Variants in WDR7 observed in about 807,000 individuals in gnomAD.
WDR7 encodes WD repeat-containing protein 7.
In WDR7, 46 loss-of-function variants were observed where a neutral mutation model predicts 169.4. That is an observed-to-expected ratio of 0.27 (90% CI 0.21 to 0.35). The LOEUF is 0.35. WDR7 is among the 10% of genes least tolerant of loss of function. The pLI, the probability that WDR7 is intolerant of heterozygous loss-of-function variation, is 1.00. For synonymous variants in WDR7, 612 were observed against 666.8 expected (o/e 0.92, Z 1.27); for missense variants, 1,534 against 1,859.3 (o/e 0.83, Z 3.22).
At chr18:56,934,473 G>A (rs1394284627) in intron 22 of WDR7, among the ~76,000 whole-genome samples, 1 of 151,754 alleles carries the variant, frequency 6.6e-6, no homozygotes, top group Non-Finnish European at 1.5e-5. Flanking sequence ...TGTTCTCTCA[G>A]CTCACATCTT....
chr18:56,660,658 TAAAAA>T (rs55736389), intron 1 of WDR7, among the ~76,000 whole-genome samples: 6 of 145,594 alleles, frequency 4.1e-5, no homozygotes, highest in Admixed American at 6.8e-5. Flanking sequence ...ATTTAAAGGT[TAAAAA>T]AAAAAAAAAA....
intron 16 of WDR7, among the ~76,000 whole-genome samples, chr18:56,770,104 C>A (rs541146516): frequency 6.6e-6 from 1 of 152,120 alleles, no homozygotes; most frequent in Non-Finnish European, 1.5e-5. Flanking sequence ...CTTTATGTTT[C>A]TGGAGTCAGT....
At chr18:56,836,412 G>C (rs1472944656) in intron 20 of WDR7, among the ~76,000 whole-genome samples, 1 of 152,218 alleles carries the variant, frequency 6.6e-6, no homozygotes, top group Non-Finnish European at 1.5e-5. Context: ...TTTTAGGGCG[G>C]ATCCTGTCAG....
chr18:56,756,322 T>C (rs2043887228), intron 14 of WDR7, among the ~76,000 whole-genome samples: 1 of 152,214 alleles, frequency 6.6e-6, no homozygotes, highest in Admixed American at 6.5e-5. Flanking sequence ...CCTGCTTCAA[T>C]AATAAACTAT....
At chr18:57,007,230 T>C (rs183107128) in intron 26 of WDR7, among the ~76,000 whole-genome samples, 170 of 152,274 alleles carry the variant, frequency 1.1e-3, no homozygotes, top group East Asian at 0.01. Context: ...CCACCCGCCT[T>C]GGCCTCCCAA....
rs569250401 is a variant in WDR7, at chr18:56,765,634, T to G, written c.2848+6681T>G. Reference sequence around the variant, plus strand: ...TGATTTGTGTTTAACAGTAATTATATTTTAAAGAGACTGAAATAAGAAAAA... The same window carrying G: ...TGATTTGTGTTTAACAGTAATTATAGTTTAAAGAGACTGAAATAAGAAAAA... On this transcript the variant is annotated intron_variant, in intron 16 of 27. Transcript: ENST00000254442. 2.6e-5 allele frequency among the ~76,000 whole-genome samples: 4 copies of G among 152,328 alleles called. No individual in the cohort carries two copies. The South Asian group carries it at 8.3e-4, about 32-fold the overall frequency.
At chr18:56,873,813 T>C (rs372331006) in intron 20 of WDR7, 7 of 152,342 alleles carry the variant, frequency 4.6e-5, no homozygotes, top group African/African-American at 1.7e-4. Flanking sequence ...TTTGTGCCAA[T>C]TCATCTTGAT....
In WDR7 at chr18:57,018,292, T is replaced by C. The variant is rs542015770; in HGVS notation, c.4165-2453T>C. ...GGGCCAGTTTTTCTTAGAAGAACTT[T>C]TAATCTACTCACAGTTTTAGATGGA... is the stretch of plus-strand genomic sequence containing the variant. On this transcript the variant is annotated intron_variant, in intron 26 of 27. Transcript: ENST00000254442. Among the ~76,000 whole-genome samples the C allele has an allele frequency of 8.9e-4, 136 of 152,356 alleles. No individual in the cohort carries two copies. The South Asian group carries it at 0.024, about 27-fold the overall frequency.
At chr18:56,881,324 C>T (rs1343380305) in intron 21 of WDR7, among the ~76,000 whole-genome samples, 1 of 152,126 alleles carries the variant, frequency 6.6e-6, no homozygotes, top group Non-Finnish European at 1.5e-5. Flanking sequence ...ATTATGAGCA[C>T]TATTTTTTTT....
chr18:56,742,693 C>T (rs1344280823), intron 14 of WDR7, among the ~76,000 whole-genome samples: 5 of 152,134 alleles, frequency 3.3e-5, no homozygotes, highest in African/African-American at 1.2e-4. Context: ...TTGCGGAAGC[C>T]TGTCTCAGCT....
chr18:56,965,329 G>A (rs1244788454), intron 26 of WDR7, among the ~76,000 whole-genome samples: 3 of 152,104 alleles, frequency 2.0e-5, no homozygotes, highest in African/African-American at 7.2e-5. Flanking sequence ...ACCCATGACT[G>A]AGAGACTGAA....
At chr18:56,897,177 C>A (rs1437857834) in intron 21 of WDR7, among the ~76,000 whole-genome samples, 4 of 151,850 alleles carry the variant, frequency 2.6e-5, no homozygotes, top group Admixed American at 2.6e-4. Context: ...GGACTTGGAA[C>A]AACCAGAACT....
intron 13 of WDR7, among the ~76,000 whole-genome samples, chr18:56,719,360 A>G (rs571368881): frequency 4.7e-4 from 72 of 152,156 alleles, no homozygotes; most frequent in African/African-American, 1.7e-3. Context: ...TCAGGAGATC[A>G]AGACCATCTT....
chr18:57,024,554 AG>A (rs35128775), intron 27 of WDR7, among the ~76,000 whole-genome samples: 2,241 of 37,732 alleles, frequency 0.059, 268 homozygotes, highest in African/African-American at 0.23. Flanking sequence ...GGGATATGTG[AG>A]CTATGATAGT....
intron 19 of WDR7, among the ~76,000 whole-genome samples, chr18:56,813,573 T>A (rs1025378339): frequency 2.0e-5 from 3 of 152,142 alleles, no homozygotes; most frequent in African/African-American, 7.2e-5. Flanking sequence ...TGGATCTTAA[T>A]TGATCCATTT....
chr18:56,658,381 C>T (rs1404030906), intron 1 of WDR7, among the ~76,000 whole-genome samples: 1 of 152,092 alleles, frequency 6.6e-6, no homozygotes, highest in Non-Finnish European at 1.5e-5. Flanking sequence ...TGGAATTAGT[C>T]ATGAGCCACT....
chr18:56,718,302 T>G, intron 13 of WDR7, 143 bp downstream of exon 13: 1 of 843,448 alleles, frequency 1.2e-6, no homozygotes, highest in Non-Finnish European at 1.8e-6. Context: ...TTAAGTGGCC[T>G]CTTTTTTGTT....
At chr18:56,756,195 A>G (rs555184642) in intron 14 of WDR7, among the ~76,000 whole-genome samples, 1 of 152,206 alleles carries the variant, frequency 6.6e-6, no homozygotes, top group African/African-American at 2.4e-5. Context: ...TTAAAGGATC[A>G]GGAGCCACGA....
chr18:56,692,184 G>T (rs2025586178), intron 9 of WDR7, among the ~76,000 whole-genome samples: 1 of 152,118 alleles, frequency 6.6e-6, no homozygotes. Flanking sequence ...ATGTAATAAT[G>T]CTGAGTAATA....
Sources: allele counts gnomAD v4.1 joint callset (sites outside exome capture counted in the v4.1 genomes callset), GRCh38; gene constraint gnomAD v4.1.1; transcripts MANE v1.5; gene names NCBI Gene and HGNC (gene_info 2026-07-23, HGNC 2026-07-21).